The following PDE10A variants were observed in gnomAD, a reference collection of about 807,000 sequenced individuals.
PDE10A encodes the protein phosphodiesterase 10A, also known as cAMP and cAMP-inhibited cGMP 3',5'-cyclic phosphodiesterase 10A.
Under a neutral mutation model 97.7 loss-of-function variants are expected in PDE10A, and 39 were observed. That is an observed-to-expected ratio of 0.40 (90% CI 0.31 to 0.52). PDE10A has a LOEUF of 0.52. Ranked by LOEUF, PDE10A falls within the 20% of genes least tolerant of loss-of-function variation. PDE10A has a pLI of 0.56. For synonymous variants in PDE10A, 371 were observed against 376.8 expected, an observed-to-expected ratio of 0.98 and a Z score of 0.18; for missense variants, 731 against 1,047.8, an observed-to-expected ratio of 0.70 and a Z score of 4.17.
In PDE10A at chr6:165,556,333, C is replaced by T. The variant is rs79493445; in HGVS notation, c.866-12765G>A. Among the ~76,000 whole-genome samples the T allele has an allele frequency of 2.1e-4, 32 of 152,148 alleles. No homozygotes were observed. The East Asian group carries it at 4.4e-3, about 21-fold the overall frequency. ...ACACAAAACAGTCAATGAATCAAAA[C>T]GGGTAAAAACAGGAAAAGAATAAGG... On this transcript the variant is annotated intron_variant, in intron 1 of 21. Coordinates refer to ENST00000539869, the MANE Select transcript of PDE10A (RefSeq NM_001385079.1).
At chr6:165,558,959 TATAA>T (rs1784394222) in intron 1 of PDE10A, among the ~76,000 whole-genome samples, 1 of 141,950 alleles carries the variant, frequency 7.0e-6, no homozygotes, top group East Asian at 2.3e-4. Flanking sequence ...AATAAAAAAA[TATAA>T]ATAAATAACG....
At chr6:165,597,683 C>T (rs1386042183) in intron 1 of PDE10A, among the ~76,000 whole-genome samples, 2 of 152,158 alleles carry the variant, frequency 1.3e-5, no homozygotes, top group South Asian at 2.1e-4. Context: ...GACTACTTTA[C>T]ATGTTCCAGT....
At chr6:165,712,780 C>T (rs1244894925) in intron 1 of PDE10A, among the ~76,000 whole-genome samples, 3 of 151,792 alleles carry the variant, frequency 2.0e-5, no homozygotes, top group Non-Finnish European at 4.4e-5. Context: ...TCTGGGACTA[C>T]AGGCGCCCGC....
chr6:165,733,323 C>T (rs1792486024), intron 1 of PDE10A, among the ~76,000 whole-genome samples: 1 of 152,216 alleles, frequency 6.6e-6, no homozygotes, highest in Non-Finnish European at 1.5e-5. Context: ...AAACAGCCTA[C>T]TTGTGCTGGG....
intron 1 of PDE10A, among the ~76,000 whole-genome samples, chr6:165,813,791 C>A (rs201484867): frequency 1.2e-4 from 18 of 149,330 alleles, no homozygotes; most frequent in East Asian, 2.0e-4. Flanking sequence ...TAATCGCAGA[C>A]AAAAAAAAAA....
intron 18 of PDE10A, among the ~76,000 whole-genome samples, chr6:165,362,330 A>G (rs1331736994): frequency 6.6e-6 from 1 of 152,144 alleles, no homozygotes; most frequent in East Asian, 1.9e-4. Flanking sequence ...AGAGGGAGAA[A>G]AAGAAAGACG....
intron 1 of PDE10A, among the ~76,000 whole-genome samples, chr6:165,659,083 G>A (rs901822781): frequency 2.6e-5 from 4 of 152,142 alleles, no homozygotes; most frequent in Admixed American, 6.5e-5. Context: ...ATGAGTGAGC[G>A]AACCAGCCGG....
intron 1 of PDE10A, among the ~76,000 whole-genome samples, chr6:165,614,562 C>G (rs1287093673): frequency 2.0e-5 from 3 of 152,174 alleles, no homozygotes; most frequent in Non-Finnish European, 4.4e-5. Flanking sequence ...CCATTTAAGC[C>G]TCACTTTAAT....
chr6:165,462,332 A>C (rs1181383840), intron 3 of PDE10A, among the ~76,000 whole-genome samples: 1 of 152,236 alleles, frequency 6.6e-6, no homozygotes, highest in Non-Finnish European at 1.5e-5. Flanking sequence ...GCCTGTCCAA[A>C]GGCCAGATGT....
At chr6:165,562,894 A>T (rs1326068957) in intron 1 of PDE10A, among the ~76,000 whole-genome samples, 1 of 151,082 alleles carries the variant, frequency 6.6e-6, no homozygotes, top group Non-Finnish European at 1.5e-5. Context: ...TACCAGTGAC[A>T]TCTAGTGACA....
intron 18 of PDE10A, among the ~76,000 whole-genome samples, chr6:165,374,901 TTATTG>T (rs929642528): frequency 2.0e-5 from 3 of 152,186 alleles, no homozygotes; most frequent in African/African-American, 7.2e-5. Flanking sequence ...TCTCATTATT[TTATTG>T]TATCAGTCAC....
chr6:165,393,390 C>T (rs1470829434), intron 15 of PDE10A, among the ~76,000 whole-genome samples: 4 of 151,168 alleles, frequency 2.6e-5, no homozygotes, highest in Admixed American at 6.6e-5. Context: ...TATAGTTATA[C>T]TATATTTTTA....
intron 1 of PDE10A, among the ~76,000 whole-genome samples, chr6:165,729,556 G>C (rs370798415): frequency 6.6e-6 from 1 of 152,112 alleles, no homozygotes; most frequent in African/African-American, 2.4e-5. Context: ...GGGTGACCCC[G>C]GGCCCCAACC....
At chr6:165,706,215 C>T (rs927424262) in intron 1 of PDE10A, among the ~76,000 whole-genome samples, 23 of 152,188 alleles carry the variant, frequency 1.5e-4, no homozygotes, top group African/African-American at 4.8e-4. Context: ...CTCAATGGGG[C>T]GACATGAATA....
Position 165,556,305 on chromosome 6 carries a change from C to T in PDE10A, c.866-12737G>A, listed in dbSNP as rs147297331. The stretch of plus-strand genomic sequence containing the variant: ...CAAATATTCAACCTTGAGAGCTGAG[C>T]TTACACAAAACAGTCAATGAATCAA... On this transcript the variant is annotated intron_variant, in intron 1 of 21. Coordinates refer to ENST00000539869, the MANE Select transcript of PDE10A (RefSeq NM_001385079.1). Among the ~76,000 whole-genome samples, 571 of 152,200 alleles carry T rather than the reference C, an allele frequency of 3.8e-3. 5 individuals are homozygous for T. Among genetic ancestry groups the T allele is most frequent in the African/African-American group, 0.013 (552 of 41,510 alleles).
At chr6:165,922,431 G>T (rs1782783328) in intron 1 of PDE10A, among the ~76,000 whole-genome samples, 1 of 152,182 alleles carries the variant, frequency 6.6e-6, no homozygotes, top group Non-Finnish European at 1.5e-5. Flanking sequence ...GCTCTTGCTG[G>T]TGCTACTTGG....
At chr6:165,983,943 A>T (rs1224370508) in intron 1 of PDE10A, among the ~76,000 whole-genome samples, 1 of 152,256 alleles carries the variant, frequency 6.6e-6, no homozygotes, top group African/African-American at 2.4e-5. Flanking sequence ...TCATATAGCC[A>T]TATACCACAG....
chr6:165,578,960 T>C (rs1785466234), intron 1 of PDE10A, among the ~76,000 whole-genome samples: 1 of 152,140 alleles, frequency 6.6e-6, no homozygotes, highest in Admixed American at 6.5e-5. Context: ...GAGAAGCTTC[T>C]CACAAACAAA....
intron 1 of PDE10A, among the ~76,000 whole-genome samples, chr6:165,656,926 C>A (rs780628684): frequency 1.8e-4 from 27 of 152,202 alleles, no homozygotes; most frequent in Non-Finnish European, 3.4e-4. Context: ...ACCTTGGAAT[C>A]CTGAGTCCAC....
Sources: allele counts gnomAD v4.1 joint callset (sites outside exome capture counted in the v4.1 genomes callset), GRCh38; gene constraint gnomAD v4.1.1; transcripts MANE v1.5; gene names NCBI Gene and HGNC (gene_info 2026-07-23, HGNC 2026-07-21).